Variants in SIAH3 observed in about 807,000 individuals in gnomAD.
SIAH3 encodes siah E3 ubiquitin protein ligase family member 3, also known as seven in absentia homolog 3.
A neutral mutation model predicts 12.6 loss-of-function variants in SIAH3; 9 were observed. That is an observed-to-expected ratio of 0.72 (90% CI 0.43 to 1.25). SIAH3 has a LOEUF of 1.25. Ranked by LOEUF, SIAH3 falls within the 50% of genes most tolerant of loss-of-function variation. The pLI, the probability that SIAH3 is intolerant of heterozygous loss-of-function variation, is 0.00. For synonymous variants in SIAH3, 154 were observed against 151.1 expected, an observed-to-expected ratio of 1.02 and a Z score of -0.14; for missense variants, 390 against 365.4, an observed-to-expected ratio of 1.07 and a Z score of -0.55.
At position 45,843,558 on chromosome 13, in the gene SIAH3, G is replaced by A. The variant is rs367857544; in HGVS notation, c.135+7937C>T. On this transcript the variant is annotated intron_variant, in intron 1 of 1. Coordinates refer to ENST00000400405, the MANE Select transcript of SIAH3 (RefSeq NM_198849.3). ...CAGCTCGTTCAGCTCTTGTCCCACT[G>A]CAGGCATGAGTGTCTTCCTGAGACC... Among the ~76,000 whole-genome samples, 45 of 152,280 alleles carry A rather than the reference G, an allele frequency of 3.0e-4. No homozygotes were observed. The East Asian group carries it at 8.3e-3, about 28-fold the overall frequency.
At chr13:45,792,444 G>A (rs1295985652) in intron 1 of SIAH3, among the ~76,000 whole-genome samples, 7 of 150,132 alleles carry the variant, frequency 4.7e-5, no homozygotes, top group South Asian at 4.2e-4. Context: ...TGCAACCTTC[G>A]CCTCCTGGGT....
At chr13:45,796,071 A>G (rs1788980488) in intron 1 of SIAH3, among the ~76,000 whole-genome samples, 1 of 152,180 alleles carries the variant, frequency 6.6e-6, no homozygotes, top group Non-Finnish European at 1.5e-5. Context: ...GTGTGTGGAC[A>G]TATTGACTTG....
chr13:45,831,650 A>G (rs983899114), intron 1 of SIAH3, among the ~76,000 whole-genome samples: 3 of 152,170 alleles, frequency 2.0e-5, no homozygotes, highest in Admixed American at 6.5e-5. Flanking sequence ...TAAAGACATC[A>G]CACTGTTTCA....
intron 1 of SIAH3, among the ~76,000 whole-genome samples, chr13:45,826,389 A>ATGGGTGAGTGGCTGGG (rs1566094847): frequency 0.087 from 6,514 of 75,198 alleles, 2,718 homozygotes; most frequent in African/African-American, 0.18. Context: ...GAATGGATGG[A>ATGGGTGAGTGGCTGGG]TGGATGGATG....
At chr13:45,793,648 C>T (rs1420289292) in intron 1 of SIAH3, among the ~76,000 whole-genome samples, 1 of 151,790 alleles carries the variant, frequency 6.6e-6, no homozygotes, top group East Asian at 1.9e-4. Flanking sequence ...ATAACTCCTC[C>T]CCATTGACCT....
In SIAH3 at chr13:45,783,670, C is replaced by T; in HGVS notation, c.523G>A (p.Glu175Lys). ...HHFLLVLRKQERHEGHPQFFA... is the reference protein window; with the variant it reads ...HHFLLVLRKQKRHEGHPQFFA... The stretch of plus-strand genomic sequence containing the variant: ...AACTGGGGGTGCCCTTCATGCCTCT[C>T]CTGTTTCCTCAGCACCAACAGAAAG... The change falls in exon 2 of 2, where the codon GAG (glutamate) becomes AAG (lysine). Residue 175 changes from glutamate (E) to lysine (K), a missense_variant. Physicochemically the swap from Glu to Lys is moderately conservative, Grantham distance 56. Coordinates refer to ENST00000400405, the MANE Select transcript of SIAH3 (RefSeq NM_198849.3). The T allele has an allele frequency of 6.2e-7, 1 of 1,614,108 alleles. No individual in the cohort carries two copies. The highest frequency in any genetic ancestry group is 1.3e-5 in the African/African-American group (1 of 75,062).
chr13:45,850,276 G>A (rs1403569819), intron 1 of SIAH3, among the ~76,000 whole-genome samples: 1 of 152,144 alleles, frequency 6.6e-6, no homozygotes, highest in Non-Finnish European at 1.5e-5. Flanking sequence ...CTAGGAGTGG[G>A]GGCACCCATC....
At chr13:45,842,616 G>A (rs1422291155) in intron 1 of SIAH3, among the ~76,000 whole-genome samples, 1 of 152,118 alleles carries the variant, frequency 6.6e-6, no homozygotes, top group African/African-American at 2.4e-5. Context: ...CCAAACTGCT[G>A]GGATTATAGG....
rs1950499580 is a variant in SIAH3 at position 45,780,416 on chromosome 13, T to C, written c.*2967A>G. On this transcript the variant is annotated 3_prime_UTR_variant, in exon 2 of 2. Coordinates refer to ENST00000400405, the MANE Select transcript of SIAH3 (RefSeq NM_198849.3). ...CCTCCGAGTAGTTAAGACTATAGGC[T>C]TGTGTCACCATGCCCAGCTGATTTT... The C allele has an allele frequency of 6.6e-6, 1 of 151,860 alleles. No homozygotes were observed. Among genetic ancestry groups the C allele is most frequent in the Non-Finnish European group, 1.5e-5 (1 of 68,060 alleles). 9.4% of individuals were successfully genotyped at this position (151,860 alleles called of 1,614,324 possible). A position where few individuals can be genotyped will look rare whatever the true frequency, so the allele number is the denominator to read the frequency against.
chr13:45,850,915 G>A lies in SIAH3; in HGVS notation c.135+580C>T, dbSNP rs528613868. ...GAAGGAAATAAGCCAAAATCCTCCC[G>A]ACACCACACACACACACACACACAC... On this transcript the variant is annotated intron_variant, in intron 1 of 1. Transcript: ENST00000400405. 8.7e-5 allele frequency among the ~76,000 whole-genome samples: 10 copies of A among 115,390 alleles called. No homozygotes were observed. In the East Asian group the frequency reaches 2.9e-3, roughly 33 times the overall value. The allele number at this position is 115,390 out of a possible 152,430, so 75.7% of individuals were successfully genotyped here.
rs193283349 is a variant in SIAH3 at position 45,844,838 on chromosome 13, A to C, written c.135+6657T>G. Among the ~76,000 whole-genome samples the C allele has an allele frequency of 7.4e-4, 113 of 152,354 alleles. 2 individuals are homozygous for C. The East Asian group carries it at 0.021, about 28-fold the overall frequency. Reference sequence around the variant, plus strand: ...AAACTACTTATTGGTGAAAGATAAAAGTTTAAAAGCTAATTATACTGGTGC... The same window carrying C: ...AAACTACTTATTGGTGAAAGATAAACGTTTAAAAGCTAATTATACTGGTGC... On this transcript the variant is annotated intron_variant, in intron 1 of 1. Transcript: ENST00000400405.
intron 1 of SIAH3, among the ~76,000 whole-genome samples, chr13:45,806,542 A>G (rs911903962): frequency 6.6e-6 from 1 of 152,180 alleles, no homozygotes; most frequent in Non-Finnish European, 1.5e-5. Flanking sequence ...TAAAGATGGC[A>G]CCAATAGACA....
At position 45,783,538 on chromosome 13, in the gene SIAH3, G is replaced by A. The variant is rs370343302; in HGVS notation, c.655C>T (p.Arg219Trp). 4 of 1,614,244 alleles carry A rather than the reference G, an allele frequency of 2.5e-6. No individual in the cohort carries two copies. Among genetic ancestry groups the A allele is most frequent in the East Asian group, 2.2e-5 (1 of 44,886 alleles). ...GAGTCCACGCACTCAAGAACAGACC[G>A]GGGCGTGGCCTCCCACTTGAGGCGC... Reference protein sequence around the residue: ...HRRLKWEATPRSVLECVDSVI... With the variant: ...HRRLKWEATPWSVLECVDSVI... The change falls in exon 2 of 2, where the codon CGG becomes TGG. Residue 219 changes from arginine (R) to tryptophan (W), a missense_variant. Arg to Trp is a moderately radical substitution (Grantham distance 101). Coordinates refer to ENST00000400405, the MANE Select transcript of SIAH3 (RefSeq NM_198849.3).
intron 1 of SIAH3, among the ~76,000 whole-genome samples, chr13:45,814,313 T>C (rs1449257742): frequency 6.6e-6 from 1 of 151,060 alleles, no homozygotes; most frequent in Non-Finnish European, 1.5e-5. Context: ...TGGAGTATAG[T>C]CCCCAGGGAG....
At chr13:45,784,123 G>T in intron 1 of SIAH3, 66 bp from the exon 2 acceptor site, 1 of 1,426,076 alleles carries the variant, frequency 7.0e-7, no homozygotes. Context: ...CCACTCCCCT[G>T]ATGTTCAAAG....
Position 45,851,497 on chromosome 13 carries a change from T to C in SIAH3, c.133A>G (p.Lys45Glu). 1 of 1,613,882 alleles carries C rather than the reference T, an allele frequency of 6.2e-7. No homozygotes were observed. Among genetic ancestry groups the C allele is most frequent in the Non-Finnish European group, 8.5e-7 (1 of 1,179,994 alleles). ...GGTAAAATGACACAGAGACTCACCT[T>C]TAGGTTGTGTGTGGGGTTGACGACA... ...VCVVNPTHNL[K>E]YVSSRRAVTQ... is the part of the protein sequence containing the mutation. Residue 45 changes from lysine (K) to glutamate (E), a missense_variant and splice_region_variant, in exon 1 of 2, where the codon AAG becomes GAG. Lys to Glu is a moderately conservative substitution (Grantham distance 56, BLOSUM62 1). Transcript: ENST00000400405.
At chr13:45,809,601 C>T (rs1950609741) in intron 1 of SIAH3, among the ~76,000 whole-genome samples, 1 of 152,170 alleles carries the variant, frequency 6.6e-6, no homozygotes, top group Admixed American at 6.5e-5. Flanking sequence ...TCCCTACCTG[C>T]ATTCTGATAT....
chr13:45,828,602 A>G (rs1375936595), intron 1 of SIAH3, among the ~76,000 whole-genome samples: 1 of 152,218 alleles, frequency 6.6e-6, no homozygotes, highest in African/African-American at 2.4e-5. Context: ...TTTCCTCTCA[A>G]TCCAGGCTGA....
chr13:45,843,061 T>TGTGTGTGTGTGTGTGTGTGTGTGTGTGG (rs1950746536), intron 1 of SIAH3, among the ~76,000 whole-genome samples: 1 of 151,556 alleles, frequency 6.6e-6, no homozygotes, highest in Non-Finnish European at 1.5e-5. Context: ...TGTGTGTGTG[T>TGTGTGTGTGTGTGTGTGTGTGTGTGTGG]AGAAACTCAG....
Sources: gnomAD v4.1 joint callset for allele counts (sites outside exome capture counted in the v4.1 genomes callset) on GRCh38, gnomAD v4.1.1 for gene constraint, MANE v1.5 for transcripts, NCBI Gene and HGNC (gene_info 2026-07-23, HGNC 2026-07-21) for gene names.